The following MYO6 variants were observed in gnomAD, a reference collection of about 807,000 sequenced individuals.
MYO6 encodes unconventional myosin-VI.
In MYO6, 74 loss-of-function variants were observed where a neutral mutation model predicts 178.7. The ratio of observed to expected loss-of-function variants is 0.41; its 90% CI spans 0.34 to 0.50. The LOEUF (loss-of-function observed/expected upper bound fraction) is 0.50, where lower values mean the gene tolerates loss of function less well. Ranked by LOEUF, MYO6 falls within the 20% of genes least tolerant of loss-of-function variation. The pLI is 0.09. For missense variants in MYO6, 1,330 were observed against 1,547.4 expected (o/e 0.86, Z 2.36); for synonymous variants, 477 against 504.6 (o/e 0.95, Z 0.73).
At chr6:75,836,931 C>A (rs1773702148) in intron 7 of MYO6, among the ~76,000 whole-genome samples, 1 of 152,170 alleles carries the variant, frequency 6.6e-6, no homozygotes, top group Non-Finnish European at 1.5e-5. Context: ...ATATTGCTCT[C>A]AACATCATGC....
chr6:75,877,153 T>C (rs985936693), intron 20 of MYO6, among the ~76,000 whole-genome samples: 2 of 152,060 alleles, frequency 1.3e-5, no homozygotes, highest in Non-Finnish European at 1.5e-5. Flanking sequence ...ATTTTGTATT[T>C]TTAGTAGAGA....
chr6:75,817,553 G>A lies in MYO6; in HGVS notation c.6G>A (p.Glu2=). The A allele has an allele frequency of 6.2e-7, 1 of 1,614,074 alleles. No homozygotes were observed. Residue 2 remains glutamate, a synonymous_variant, in exon 2 of 35, where the codon GAG becomes GAA. Coordinates refer to ENST00000369977, the MANE Select transcript of MYO6 (RefSeq NM_004999.4). ...TCGTGGATCCTCCTTCAAAAATGGA[G>A]GATGGAAAGCCCGTTTGGGCGCCAC... is the stretch of plus-strand genomic sequence containing the variant. The part of the protein sequence containing the change: M[E]DGKPVWAPHP...
chr6:75,868,065 A>G (rs1156261945), intron 18 of MYO6, among the ~76,000 whole-genome samples: 2 of 152,076 alleles, frequency 1.3e-5, no homozygotes, highest in Non-Finnish European at 2.9e-5. Flanking sequence ...TAATTAGGAA[A>G]AAGATTTAAG....
intron 1 of MYO6, among the ~76,000 whole-genome samples, chr6:75,791,992 GCACAGTTCAGTTGA>G (rs1277428024): frequency 2.6e-5 from 4 of 152,184 alleles, no homozygotes; most frequent in Non-Finnish European, 5.9e-5. Flanking sequence ...AGAGGGGTTG[GCACAGTTCAGTTGA>G]CAGCCAGTTG....
At chr6:75,842,848 T>A (rs952557622) in intron 9 of MYO6, among the ~76,000 whole-genome samples, 4 of 152,116 alleles carry the variant, frequency 2.6e-5, no homozygotes, top group African/African-American at 9.7e-5. Context: ...GGGAGTATAG[T>A]ATTTTTGGGT....
At chr6:75,757,024 CACAT>C (rs1777464408) in intron 1 of MYO6, among the ~76,000 whole-genome samples, 2 of 46,122 alleles carry the variant, frequency 4.3e-5, no homozygotes, top group Non-Finnish European at 1.1e-4. Flanking sequence ...TATGTATACA[CACAT>C]ATATAGTGTG....
At chr6:75,750,350 C>G (rs1172919364) in intron 1 of MYO6, among the ~76,000 whole-genome samples, 1 of 152,080 alleles carries the variant, frequency 6.6e-6, no homozygotes, top group Non-Finnish European at 1.5e-5. Context: ...CCGCCTCGGT[C>G]TCCCAAAGTG....
At position 75,870,650 on chromosome 6, in the gene MYO6, C is replaced by G. The variant is rs769332735; in HGVS notation, c.1948C>G (p.Gln650Glu). Residue 650 changes from glutamine to glutamate, a missense_variant, in exon 19 of 35, where the codon CAG (glutamine) becomes GAG (glutamate). Gln to Glu is a conservative substitution (Grantham distance 29). Transcript: ENST00000369977. ...FISVGNKFKTQLNLLLDKLRS... is the reference protein window; with the variant it reads ...FISVGNKFKTELNLLLDKLRS... ...ACTGATTTCCTTTCTTTCACAGACA[C>G]AGTTAAATTTGCTTCTGGATAAACT... The G allele has an allele frequency of 6.2e-7, 1 of 1,612,014 alleles. No homozygotes were observed. The highest frequency in any genetic ancestry group is 8.5e-7 in the Non-Finnish European group (1 of 1,178,852).
At chr6:75,892,841 C>A in intron 28 of MYO6, 151 bp downstream of exon 28, 1 of 796,344 alleles carries the variant, frequency 1.3e-6, no homozygotes, top group Non-Finnish European at 1.9e-6. Flanking sequence ...TTATTTGTAT[C>A]GACTTTCATA....
intron 1 of MYO6, among the ~76,000 whole-genome samples, chr6:75,789,872 A>G (rs1429322040): frequency 6.6e-6 from 1 of 151,332 alleles, no homozygotes; most frequent in African/African-American, 2.4e-5. Context: ...CCATTGAACA[A>G]CCTCTCCTGG....
At chr6:75,766,128 T>A (rs1338866764) in intron 1 of MYO6, among the ~76,000 whole-genome samples, 1 of 152,026 alleles carries the variant, frequency 6.6e-6, no homozygotes, top group Non-Finnish European at 1.5e-5. Flanking sequence ...TTCGAGACTA[T>A]CCTGGCCAAC....
chr6:75,810,376 C>CT (rs1475151915), intron 1 of MYO6, among the ~76,000 whole-genome samples: 4 of 152,114 alleles, frequency 2.6e-5, no homozygotes, highest in Non-Finnish European at 5.9e-5. Flanking sequence ...TCTTCAGGGT[C>CT]TGATATCTGG....
Position 75,890,238 on chromosome 6 carries a change from G to A in MYO6, c.2840G>A (p.Arg947Gln), listed in dbSNP as rs377681616. ...RKRREEDEKRRRKEEEERRMK... is the reference protein window; with the variant it reads ...RKRREEDEKRQRKEEEERRMK... Reference sequence around the variant, plus strand: ...AGACGTGAAGAAGACGAAAAACGTCGAAGAAAGGAAGAGGAGGAAAGGCGG... The same window carrying A: ...AGACGTGAAGAAGACGAAAAACGTCAAAGAAAGGAAGAGGAGGAAAGGCGG... The change falls in exon 26 of 35, where the codon CGA becomes CAA. Residue 947 changes from arginine (R) to glutamine (Q), a missense_variant. Arg to Gln is a conservative substitution (Grantham distance 43). Coordinates refer to ENST00000369977, the MANE Select transcript of MYO6 (RefSeq NM_004999.4). 3.2e-5 allele frequency: 51 copies of A among 1,613,006 alleles called. No individual in the cohort carries two copies. The East Asian group carries it at 4.9e-4, about 16-fold the overall frequency.
At chr6:75,809,877 A>C (rs1770500253) in intron 1 of MYO6, among the ~76,000 whole-genome samples, 2 of 150,760 alleles carry the variant, frequency 1.3e-5, no homozygotes, top group South Asian at 4.3e-4. Flanking sequence ...AGTCTGGCTA[A>C]CATGATGAAA....
In MYO6 at chr6:75,858,885, TG is replaced by T. The variant is rs1775954204; in HGVS notation, c.1382-15del. ...TTGATCTCATAATGACTCTTGGTTC[TG>T]GTTTTATATTTTCAGAGTACTTTGA... On this transcript the variant is annotated splice_polypyrimidine_tract_variant and intron_variant, in intron 13 of 34. Transcript: ENST00000369977. 6.7e-7 allele frequency: 1 copy of T among 1,494,458 alleles called. No homozygotes were observed. Among genetic ancestry groups the T allele is most frequent in the Non-Finnish European group, 9.3e-7 (1 of 1,074,484 alleles). 92.6% of individuals were successfully genotyped at this position (1,494,458 alleles called of 1,614,324 possible).
At chr6:75,779,971 C>G (rs796523338) in intron 1 of MYO6, among the ~76,000 whole-genome samples, 19 of 152,232 alleles carry the variant, frequency 1.2e-4, no homozygotes, top group African/African-American at 3.9e-4. Flanking sequence ...GCTGTATGTA[C>G]TGTCTCTTAA....
rs769185775 is a variant in MYO6, at chr6:75,914,120, G to A, written c.3497G>A (p.Arg1166Gln). ...AGGCAGCGGGAGATTGAAATGAACCGACAGCAACGCTTCTTCCGCATCCCA... is the reference window on the plus strand; with the variant it reads ...AGGCAGCGGGAGATTGAAATGAACCAACAGCAACGCTTCTTCCGCATCCCA... ...PARQREIEMN[R>Q]QQRFFRIPFI... The change falls in exon 34 of 35, where the codon CGA becomes CAA. Residue 1166 changes from arginine (R) to glutamine (Q), a missense_variant. Physicochemically the swap from Arg to Gln is conservative, Grantham distance 43 (BLOSUM62 1). Coordinates refer to ENST00000369977, the MANE Select transcript of MYO6 (RefSeq NM_004999.4). The A allele has an allele frequency of 2.5e-6, 4 of 1,614,098 alleles. No homozygotes were observed. Among genetic ancestry groups the A allele is most frequent in the South Asian group, 1.1e-5 (1 of 91,090 alleles).
intron 1 of MYO6, among the ~76,000 whole-genome samples, chr6:75,806,620 T>C (rs935372313): frequency 1.3e-5 from 2 of 152,206 alleles, no homozygotes; most frequent in Non-Finnish European, 2.9e-5. Context: ...TTTACTGGAA[T>C]GAGGGCAAGG....
intron 20 of MYO6, among the ~76,000 whole-genome samples, chr6:75,879,203 T>C (rs1323146920): frequency 1.3e-5 from 2 of 152,110 alleles, no homozygotes; most frequent in Admixed American, 1.3e-4. Flanking sequence ...CAGAGTCTTC[T>C]AACAGAAAAA....
Sources: gnomAD v4.1 joint callset for allele counts (sites outside exome capture counted in the v4.1 genomes callset) on GRCh38, gnomAD v4.1.1 for gene constraint, MANE v1.5 for transcripts, NCBI Gene and HGNC (gene_info 2026-07-23, HGNC 2026-07-21) for gene names.